MAD1L1: variants seen among roughly 807,000 people sequenced by gnomAD.
The protein encoded by MAD1L1 is mitotic spindle assembly checkpoint protein MAD1.
In MAD1L1, 95 loss-of-function variants were observed where a neutral mutation model predicts 96.9. The observed-to-expected ratio is 0.98, with a 90% CI of 0.83 to 1.16. The LOEUF (loss-of-function observed/expected upper bound fraction) is 1.16. Ranked by LOEUF, MAD1L1 falls within the 50% of genes most tolerant of loss-of-function variation. The pLI is 0.00. For synonymous variants in MAD1L1, 473 were observed against 396.6 expected (o/e 1.19, Z -2.29); for missense variants, 1,007 against 954.4 (o/e 1.06, Z -0.73).
intron 4 of MAD1L1, chr7:2,223,650 T>G (rs1793728408): frequency 6.6e-6 from 1 of 152,264 alleles, no homozygotes; most frequent in African/African-American, 2.4e-5. Flanking sequence ...TCGGAGGGAC[T>G]CCAGCCCTTG....
At chr7:2,158,579 G>A (rs1346179123) in intron 10 of MAD1L1, among the ~76,000 whole-genome samples, 1 of 152,190 alleles carries the variant, frequency 6.6e-6, no homozygotes, top group Non-Finnish European at 1.5e-5. Context: ...TGCAGAAATA[G>A]GAATAAAATA....
chr7:1,842,529 C>T (rs1018557896), intron 18 of MAD1L1, among the ~76,000 whole-genome samples: 2 of 152,282 alleles, frequency 1.3e-5, no homozygotes, highest in African/African-American at 4.8e-5. Context: ...TGCCACAATG[C>T]CGCGTGCTCA....
chr7:2,017,748 G>A (rs1782608323), intron 12 of MAD1L1, among the ~76,000 whole-genome samples: 1 of 152,212 alleles, frequency 6.6e-6, no homozygotes, highest in Non-Finnish European at 1.5e-5. Flanking sequence ...GAGCTTTTGA[G>A]TATAAGCCCC....
intron 16 of MAD1L1, among the ~76,000 whole-genome samples, chr7:1,943,907 CA>C (rs1323989326): frequency 6.6e-6 from 1 of 152,174 alleles, no homozygotes; most frequent in Non-Finnish European, 1.5e-5. Flanking sequence ...AGAAGGAACA[CA>C]AGGTCCACCA....
intron 18 of MAD1L1, among the ~76,000 whole-genome samples, chr7:1,832,642 G>GGGGGGGGT (rs1782761338): frequency 1.9e-5 from 1 of 51,748 alleles, no homozygotes; most frequent in Admixed American, 1.7e-4. Flanking sequence ...GCGGGGGGGG[G>GGGGGGGGT]GGGGGTGGGG....
At chr7:2,109,222 T>C (rs1226307627) in intron 11 of MAD1L1, among the ~76,000 whole-genome samples, 1 of 152,110 alleles carries the variant, frequency 6.6e-6, no homozygotes, top group Non-Finnish European at 1.5e-5. Flanking sequence ...CCCTCTGGTG[T>C]CAATTACATG....
At chr7:2,066,975 G>C (rs1021736997) in intron 12 of MAD1L1, among the ~76,000 whole-genome samples, 3 of 152,226 alleles carry the variant, frequency 2.0e-5, no homozygotes, top group Admixed American at 6.5e-5. Flanking sequence ...GGCCGGGCGG[G>C]GCTGCCCTCC....
chr7:1,840,815 G>C (rs901784211), intron 18 of MAD1L1, among the ~76,000 whole-genome samples: 1 of 152,234 alleles, frequency 6.6e-6, no homozygotes. Context: ...CGGTTTCTCT[G>C]CCTACTTGGA....
At chr7:1,860,309 C>T (rs112799175) in intron 18 of MAD1L1, among the ~76,000 whole-genome samples, 4 of 139,658 alleles carry the variant, frequency 2.9e-5, no homozygotes, top group African/African-American at 8.2e-5. Context: ...CTAGACCTGA[C>T]ATCTGGCGGG....
At chr7:1,881,395 A>G (rs1195299111) in intron 18 of MAD1L1, among the ~76,000 whole-genome samples, 1 of 152,226 alleles carries the variant, frequency 6.6e-6, no homozygotes, top group Non-Finnish European at 1.5e-5. Flanking sequence ...TAATTTATCC[A>G]ATTAATTAAT....
intron 16 of MAD1L1, among the ~76,000 whole-genome samples, chr7:1,957,394 G>A (rs992368558): frequency 3.3e-5 from 5 of 152,256 alleles, no homozygotes; most frequent in East Asian, 1.9e-4. Flanking sequence ...CCACTCCACC[G>A]ACACCAGGCG....
intron 12 of MAD1L1, among the ~76,000 whole-genome samples, chr7:2,025,786 A>C (rs1369467425): frequency 6.6e-6 from 1 of 152,242 alleles, no homozygotes; most frequent in African/African-American, 2.4e-5. Flanking sequence ...AAGGAAAAGA[A>C]GTATTAATTT....
chr7:1,860,473 C>T (rs13312375), intron 18 of MAD1L1, among the ~76,000 whole-genome samples: 1 of 151,330 alleles, frequency 6.6e-6, no homozygotes, highest in South Asian at 2.1e-4. Flanking sequence ...CAGCCTCTGT[C>T]TCCCTAGGGG....
chr7:1,886,153 G>A (rs949605104), intron 18 of MAD1L1, among the ~76,000 whole-genome samples: 5 of 152,232 alleles, frequency 3.3e-5, no homozygotes, highest in African/African-American at 1.2e-4. Flanking sequence ...TCACTTCTGG[G>A]CACCTGGCGG....
chr7:1,881,902 C>T (rs1785703632), intron 18 of MAD1L1, among the ~76,000 whole-genome samples: 1 of 152,238 alleles, frequency 6.6e-6, no homozygotes, highest in South Asian at 2.1e-4. Flanking sequence ...ATGAGGAACG[C>T]TGTGATTTTG....
chr7:2,199,017 GC>G (rs754891904), intron 10 of MAD1L1, among the ~76,000 whole-genome samples: 2 of 152,194 alleles, frequency 1.3e-5, no homozygotes, highest in Admixed American at 6.5e-5. Context: ...AGTCCTCCCG[GC>G]CTTGGGCGGG....
chr7:2,113,836 C>T (rs562680436), intron 11 of MAD1L1, among the ~76,000 whole-genome samples: 1 of 152,302 alleles, frequency 6.6e-6, no homozygotes, highest in African/African-American at 2.4e-5. Flanking sequence ...ACATCAGACT[C>T]GCTCCAACTG....
chr7:2,216,075 C>A, intron 8 of MAD1L1, 76 bp from the exon 9 acceptor site: 2 of 1,609,706 alleles, frequency 1.2e-6, no homozygotes, highest in South Asian at 1.1e-5. Flanking sequence ...AGCCCTGCCC[C>A]TACAGGGTCT....
chr7:2,043,789 C>A (rs1222118910), intron 12 of MAD1L1, among the ~76,000 whole-genome samples: 1 of 152,242 alleles, frequency 6.6e-6, no homozygotes, highest in Non-Finnish European at 1.5e-5. Context: ...GGGCCTCTGC[C>A]CATTCTCTCC....
Sources: gnomAD v4.1 joint callset for allele counts (sites outside exome capture counted in the v4.1 genomes callset) on GRCh38, gnomAD v4.1.1 for gene constraint, MANE v1.5 for transcripts, NCBI Gene and HGNC (gene_info 2026-07-23, HGNC 2026-07-21) for gene names.